Variants in CYB5B observed in about 807,000 individuals in gnomAD.
CYB5B encodes the protein cytochrome b5 type B (outer mitochondrial membrane).
A neutral mutation model predicts 21.3 loss-of-function variants in CYB5B; 14 were observed. The ratio of observed to expected loss-of-function variants is 0.66; its 90% CI spans 0.43 to 1.03. The LOEUF is 1.03. CYB5B is among the 50% of genes least tolerant of loss of function. CYB5B has a pLI of 0.00. For synonymous variants in CYB5B, 69 were observed against 68.4 expected (o/e 1.01, Z -0.04); for missense variants, 166 against 185.1 (o/e 0.90, Z 0.60).
intron 3 of CYB5B, among the ~76,000 whole-genome samples, chr16:69,453,981 A>C (rs1355339013): frequency 1.3e-5 from 2 of 152,250 alleles, no homozygotes; most frequent in African/African-American, 4.8e-5. Flanking sequence ...GAGGGTTCTC[A>C]AGGACTAATG....
At chr16:69,427,467 G>A (rs1292332901) in intron 1 of CYB5B, among the ~76,000 whole-genome samples, 1 of 151,842 alleles carries the variant, frequency 6.6e-6, no homozygotes, top group Non-Finnish European at 1.5e-5. Flanking sequence ...TATAGCCAGA[G>A]ACATCACTAA....
At chr16:69,432,226 C>G (rs188692000) in intron 1 of CYB5B, among the ~76,000 whole-genome samples, 46 of 152,262 alleles carry the variant, frequency 3.0e-4, no homozygotes, top group Non-Finnish European at 4.1e-4. Context: ...GACATTGAAG[C>G]AATTTACAGA....
At chr16:69,462,285 C>T in intron 4 of CYB5B, 145 bp from the exon 5 acceptor site, 19 of 612,048 alleles carry the variant, frequency 3.1e-5, no homozygotes, top group South Asian at 1.2e-4. Context: ...AATATTTTTC[C>T]CCAACTACTT....
intron 1 of CYB5B, among the ~76,000 whole-genome samples, chr16:69,440,745 CGTGT>C (rs56008000): frequency 8.9e-5 from 13 of 146,408 alleles, no homozygotes; most frequent in Admixed American, 2.7e-4. Flanking sequence ...GTGTGTGTTG[CGTGT>C]GTGTGTGTGT....
intron 1 of CYB5B, among the ~76,000 whole-genome samples, chr16:69,440,881 A>T: frequency 1.3e-5 from 2 of 150,172 alleles, no homozygotes; most frequent in Non-Finnish European, 1.5e-5. Flanking sequence ...ATGGTCATGA[A>T]CTCCCAGGCT....
chr16:69,443,192 T>C (rs1054971295), intron 1 of CYB5B: 8 of 152,482 alleles, frequency 5.2e-5, no homozygotes, highest in Non-Finnish European at 7.3e-5. Context: ...CTCTTCAGCC[T>C]CCCAAAGTGT....
intron 3 of CYB5B, among the ~76,000 whole-genome samples, chr16:69,452,984 C>G (rs76755368): frequency 1.4e-5 from 2 of 146,080 alleles, no homozygotes. Context: ...GGTGAGAGAG[C>G]GAGACTCTGT....
intron 1 of CYB5B, among the ~76,000 whole-genome samples, chr16:69,433,672 AG>A (rs1157049557): frequency 5.9e-5 from 9 of 152,216 alleles, no homozygotes; most frequent in African/African-American, 1.9e-4. Flanking sequence ...AATCAAATGT[AG>A]GGACAATAAA....
rs766411142 is a variant in CYB5B at position 69,424,901 on chromosome 16, G to C, written c.174+44G>C. 2.7e-6 allele frequency: 4 copies of C among 1,499,006 alleles called. No individual in the cohort carries two copies. The African/African-American group carries it at 5.7e-5, about 21-fold the overall frequency. The allele number at this position is 1,499,006 out of a possible 1,614,324, so 92.9% of individuals were successfully genotyped here. A position where few individuals can be genotyped will look rare whatever the true frequency, so the allele number is the denominator to read the frequency against. On this transcript the variant is annotated intron_variant, in intron 1 of 4. Transcript: ENST00000307892. Reference sequence around the variant, plus strand: ...GAGGCCTCTGAAGCTGCTGGGGCGAGGGGTGAAAAGGCTGTGTGGAGTGTA... The same window carrying C: ...GAGGCCTCTGAAGCTGCTGGGGCGACGGGTGAAAAGGCTGTGTGGAGTGTA...
At chr16:69,439,274 G>C (rs1000809466) in intron 1 of CYB5B, among the ~76,000 whole-genome samples, 1 of 152,126 alleles carries the variant, frequency 6.6e-6, no homozygotes, top group South Asian at 2.1e-4. Flanking sequence ...ATGGGAGCTC[G>C]ATCTTGGCTC....
chr16:69,433,921 T>C (rs559045454), intron 1 of CYB5B, among the ~76,000 whole-genome samples: 3 of 152,336 alleles, frequency 2.0e-5, no homozygotes, highest in Admixed American at 2.0e-4. Context: ...TCCTAGGCTA[T>C]AAACCTGTAC....
chr16:69,446,110 A>T (rs1456084853), intron 1 of CYB5B, among the ~76,000 whole-genome samples: 3 of 152,146 alleles, frequency 2.0e-5, no homozygotes, highest in Non-Finnish European at 4.4e-5. Flanking sequence ...TGTAGATGGT[A>T]TTATATTATG....
In CYB5B at chr16:69,439,427, T is replaced by G. The variant is rs188929335; in HGVS notation, c.175-7723T>G. 5.0e-3 allele frequency among the ~76,000 whole-genome samples: 764 copies of G among 152,154 alleles called. 4 individuals carry two copies. Among genetic ancestry groups the G allele is most frequent in the African/African-American group, 0.016 (645 of 41,502 alleles). On this transcript the variant is annotated intron_variant, in intron 1 of 4. Coordinates refer to ENST00000307892, the MANE Select transcript of CYB5B (RefSeq NM_030579.3). ...TGTTTCACTATGTTGGCCAGGATGGTCTGGAACTCCTGACCTCATGATCCG... is the reference window on the plus strand; with the variant it reads ...TGTTTCACTATGTTGGCCAGGATGGGCTGGAACTCCTGACCTCATGATCCG...
At chr16:69,434,489 A>T (rs1462116128) in intron 1 of CYB5B, among the ~76,000 whole-genome samples, 2 of 152,222 alleles carry the variant, frequency 1.3e-5, no homozygotes, top group African/African-American at 4.8e-5. Flanking sequence ...TTATACTCCC[A>T]CCACAATGTA....
chr16:69,457,957 T>C (rs1310493081), intron 3 of CYB5B, among the ~76,000 whole-genome samples: 1 of 152,186 alleles, frequency 6.6e-6, no homozygotes, highest in Non-Finnish European at 1.5e-5. Flanking sequence ...TAATATTCCA[T>C]GTTCATACCC....
intron 1 of CYB5B, among the ~76,000 whole-genome samples, chr16:69,432,340 T>G (rs2014714258): frequency 2.0e-5 from 3 of 152,222 alleles, no homozygotes; most frequent in African/African-American, 7.2e-5. Context: ...TCACTTTCAG[T>G]ATGGTATTCA....
chr16:69,439,451 C>T (rs545084775), intron 1 of CYB5B, among the ~76,000 whole-genome samples: 24 of 152,168 alleles, frequency 1.6e-4, no homozygotes, highest in African/African-American at 5.1e-4. Flanking sequence ...CCTCATGATC[C>T]GCCCACGTTG....
intron 3 of CYB5B, among the ~76,000 whole-genome samples, chr16:69,453,781 A>T (rs992037268): frequency 6.6e-6 from 1 of 151,652 alleles, no homozygotes; most frequent in African/African-American, 2.4e-5. Flanking sequence ...CTGGTCTCGA[A>T]CTCCTGACCT....
chr16:69,442,121 TAA>T (rs2014829330), intron 1 of CYB5B, among the ~76,000 whole-genome samples: 1 of 119,902 alleles, frequency 8.3e-6, no homozygotes, highest in East Asian at 2.1e-4. Context: ...CAATTAAATA[TAA>T]AAATGCAGGG....
Sources: allele counts gnomAD v4.1 joint callset (sites outside exome capture counted in the v4.1 genomes callset), GRCh38; gene constraint gnomAD v4.1.1; transcripts MANE v1.5; gene names NCBI Gene and HGNC (gene_info 2026-07-23, HGNC 2026-07-21).